The following CDC40 variants were observed in gnomAD, a reference collection of about 807,000 sequenced individuals.
CDC40 encodes pre-mRNA-processing factor 17.
Under a neutral mutation model 80.6 loss-of-function variants are expected in CDC40, and 27 were observed. The observed-to-expected ratio is 0.33, with a 90% CI of 0.25 to 0.46. The LOEUF (loss-of-function observed/expected upper bound fraction) is 0.46, where lower values mean the gene tolerates loss of function less well. Among genes scored for constraint, CDC40 ranks in the 20% least tolerant of loss-of-function variants. The probability of loss-of-function intolerance (pLI) is 1.00; values close to 1 mark genes in which losing one functional copy is unlikely to be tolerated. For synonymous variants in CDC40, 221 were observed against 232.6 expected (o/e 0.95, Z 0.45); for missense variants, 486 against 694.1 (o/e 0.70, Z 3.37).
At chr6:110,196,572 T>A (rs1443113559) in intron 2 of CDC40, among the ~76,000 whole-genome samples, 1 of 152,026 alleles carries the variant, frequency 6.6e-6, no homozygotes, top group Non-Finnish European at 1.5e-5. Flanking sequence ...TACTTCAGAA[T>A]AGAAAAAATA....
intron 1 of CDC40, among the ~76,000 whole-genome samples, chr6:110,186,511 C>A (rs1476372301): frequency 3.3e-5 from 5 of 149,300 alleles, no homozygotes; most frequent in East Asian, 1.9e-4. Flanking sequence ...TAAATAAATA[C>A]ATAAAATGCT....
chr6:110,228,132 G>A (rs1184193057), intron 13 of CDC40, among the ~76,000 whole-genome samples: 1 of 152,146 alleles, frequency 6.6e-6, no homozygotes, highest in Admixed American at 6.5e-5. Flanking sequence ...TGTAGTCAGT[G>A]GTAAGCATTT....
In CDC40 at chr6:110,215,890, C is replaced by T. The variant is rs970180261; in HGVS notation, c.988+559C>T. ...GCAGAGAGAGAAAAGAAAGGAACTA[C>T]GTATTAGAGTTAAAGTCAGTGAGAT... On this transcript the variant is annotated intron_variant, in intron 9 of 14. Coordinates refer to ENST00000307731, the MANE Select transcript of CDC40 (RefSeq NM_015891.3). Among the ~76,000 whole-genome samples the T allele has an allele frequency of 2.6e-5, 4 of 152,178 alleles. No homozygotes were observed. The East Asian group carries it at 5.8e-4, about 22-fold the overall frequency.
intron 3 of CDC40, among the ~76,000 whole-genome samples, chr6:110,202,609 T>C (rs1777507369): frequency 6.6e-6 from 1 of 152,210 alleles, no homozygotes; most frequent in Admixed American, 6.5e-5. Flanking sequence ...CTTCTTAAAT[T>C]ACCTTATAAC....
intron 12 of CDC40, among the ~76,000 whole-genome samples, chr6:110,222,948 T>A (rs1777797151): frequency 6.6e-6 from 1 of 152,254 alleles, no homozygotes; most frequent in Non-Finnish European, 1.5e-5. Context: ...TGCAAAGCAA[T>A]CTTATAAGAT....
At chr6:110,199,458 G>A (rs1434108127) in intron 2 of CDC40, among the ~76,000 whole-genome samples, 2 of 151,820 alleles carry the variant, frequency 1.3e-5, no homozygotes, top group Non-Finnish European at 2.9e-5. Flanking sequence ...GCCGGGTGTG[G>A]TGGTGGGCAC....
chr6:110,181,990 T>G (rs1777204871), intron 1 of CDC40, among the ~76,000 whole-genome samples: 1 of 152,220 alleles, frequency 6.6e-6, no homozygotes, highest in Non-Finnish European at 1.5e-5. Context: ...CTCTTTGCAT[T>G]CCACATATTC....
intron 1 of CDC40, among the ~76,000 whole-genome samples, chr6:110,185,453 G>A (rs112809963): frequency 0.011 from 1,732 of 150,668 alleles, 41 homozygotes; most frequent in African/African-American, 0.041. Context: ...CGTTTTAGCC[G>A]GGATGGTCTC....
rs1392199531 is a variant in CDC40 at position 110,230,884 on chromosome 6, G to C, written c.*753G>C. 2.0e-5 allele frequency: 3 copies of C among 152,352 alleles called. No homozygotes were observed. The highest frequency in any genetic ancestry group is 3.9e-4 in the East Asian group (2 of 5,176). The allele number at this position is 152,352 out of a possible 1,614,324, so 9.4% of individuals were successfully genotyped here. Reference sequence around the variant, plus strand: ...TGTATTTACATTCACTGTCAGTAAAGACCTGGCTACGCTTTGAGAAATCAG... The same window carrying C: ...TGTATTTACATTCACTGTCAGTAAACACCTGGCTACGCTTTGAGAAATCAG... On this transcript the variant is annotated 3_prime_UTR_variant, in exon 15 of 15. Transcript: ENST00000307731.
chr6:110,199,079 T>G (rs1777456366), intron 2 of CDC40: 1 of 152,224 alleles, frequency 6.6e-6, no homozygotes, highest in African/African-American at 2.4e-5. Context: ...CTCCTCCCAC[T>G]GATTCCTTGT....
chr6:110,212,825 T>G (rs543635887), intron 7 of CDC40, among the ~76,000 whole-genome samples: 5 of 152,108 alleles, frequency 3.3e-5, no homozygotes, highest in African/African-American at 4.8e-5. Context: ...GGAAGAGAAG[T>G]GGGGGTATTA....
Position 110,230,222 on chromosome 6 carries a change from T to A in CDC40, c.*91T>A. ...AAATGTATCTGATGATAACTTGATT[T>A]ACAGATAATGTTGATGACATTGACC... On this transcript the variant is annotated 3_prime_UTR_variant, in exon 15 of 15. Coordinates refer to ENST00000307731, the MANE Select transcript of CDC40 (RefSeq NM_015891.3). The A allele has an allele frequency of 2.5e-6, 2 of 788,322 alleles. No individual in the cohort carries two copies. Among genetic ancestry groups the A allele is most frequent in the Non-Finnish European group, 4.1e-6 (2 of 492,290 alleles). 48.8% of individuals were successfully genotyped at this position (788,322 alleles called of 1,614,324 possible). A position where few individuals can be genotyped will look rare whatever the true frequency, so the allele number is the denominator to read the frequency against.
intron 6 of CDC40, chr6:110,211,888 A>G (rs1477349389): frequency 1.0e-5 from 4 of 398,466 alleles, no homozygotes; most frequent in Non-Finnish European, 1.8e-5. Context: ...TATAGATATT[A>G]TCTAAAGGTC....
At chr6:110,202,149 A>G (rs542690262) in intron 3 of CDC40, among the ~76,000 whole-genome samples, 1 of 152,300 alleles carries the variant, frequency 6.6e-6, no homozygotes, top group Non-Finnish European at 1.5e-5. Flanking sequence ...CGAAAAATTC[A>G]TTATGTAAAA....
intron 12 of CDC40, among the ~76,000 whole-genome samples, chr6:110,222,918 G>A (rs548571247): frequency 1.3e-5 from 2 of 152,298 alleles, no homozygotes; most frequent in East Asian, 1.9e-4. Context: ...AGCATTTCAC[G>A]TGAACTATCT....
intron 3 of CDC40, 132 bp from the exon 4 acceptor site, chr6:110,207,374 G>T: frequency 3.8e-6 from 2 of 519,512 alleles, no homozygotes; most frequent in Non-Finnish European, 3.6e-6. Flanking sequence ...GATTGGTCCT[G>T]ATTGGTCCTG....
chr6:110,193,015 T>C (rs113081413), intron 1 of CDC40, among the ~76,000 whole-genome samples, 167 bp from the exon 2 acceptor site: 22 of 152,320 alleles, frequency 1.4e-4, no homozygotes, highest in African/African-American at 5.0e-4. Flanking sequence ...CTTTTTTATG[T>C]ATTTTAACCT....
chr6:110,204,659 CTT>C lies in CDC40; in HGVS notation c.407-2827_407-2826del, dbSNP rs55895216. Among the ~76,000 whole-genome samples the C allele has an allele frequency of 1.6e-4, 19 of 119,266 alleles. No homozygotes were observed. The South Asian group carries it at 1.9e-3, about 12-fold the overall frequency. 78.2% of individuals were successfully genotyped at this position (119,266 alleles called of 152,430 possible). A position where few individuals can be genotyped will look rare whatever the true frequency, so the allele number is the denominator to read the frequency against. ...CACAGTGTATAAAAGTCCTATTTCT[CTT>C]TTTTTTTTTTTTTTTTTTTGAGACA... On this transcript the variant is annotated intron_variant, in intron 3 of 14. Coordinates refer to ENST00000307731, the MANE Select transcript of CDC40 (RefSeq NM_015891.3).
chr6:110,183,298 T>TAC (rs1777224474), intron 1 of CDC40, among the ~76,000 whole-genome samples: 1 of 152,232 alleles, frequency 6.6e-6, no homozygotes, highest in Non-Finnish European at 1.5e-5. Flanking sequence ...CAGTGCCTAG[T>TAC]ACACAAGATT....
Sources: allele counts gnomAD v4.1 joint callset (sites outside exome capture counted in the v4.1 genomes callset), GRCh38; gene constraint gnomAD v4.1.1; transcripts MANE v1.5; gene names NCBI Gene and HGNC (gene_info 2026-07-23, HGNC 2026-07-21).